CAMK2A: variants seen among roughly 807,000 people sequenced by gnomAD.
CAMK2A encodes calcium/calmodulin-dependent protein kinase type II subunit alpha.
CAMK2A carries 7 observed loss-of-function variants against 79.2 expected under a neutral mutation model. That is an observed-to-expected ratio of 0.09 (90% CI 0.05 to 0.17). The LOEUF (loss-of-function observed/expected upper bound fraction) is 0.17. CAMK2A is among the 10% of genes least tolerant of loss of function. The pLI is 1.00. For synonymous variants in CAMK2A, 242 were observed against 251.7 expected, an observed-to-expected ratio of 0.96 and a Z score of 0.36; for missense variants, 214 against 646.4, an observed-to-expected ratio of 0.33 and a Z score of 7.25.
chr5:150,222,376 G>C lies in CAMK2A; in HGVS notation c.*334C>G. On this transcript the variant is annotated 3_prime_UTR_variant, in exon 19 of 19. Transcript: ENST00000671881. ...CCCAGCCCCTGGTGGGCACCAGCCC[G>C]GGCATTCTAGCCTACAGCCCAAGAC... 1.6e-6 allele frequency: 1 copy of C among 634,910 alleles called. No individual in the cohort carries two copies. The highest frequency in any genetic ancestry group is 1.8e-5 in the South Asian group (1 of 56,016). 39.3% of individuals were successfully genotyped at this position (634,910 alleles called of 1,614,324 possible). A position where few individuals can be genotyped will look rare whatever the true frequency, so the allele number is the denominator to read the frequency against.
At chr5:150,260,341 C>A (rs1756251834) in intron 3 of CAMK2A, among the ~76,000 whole-genome samples, 1 of 151,936 alleles carries the variant, frequency 6.6e-6, no homozygotes, top group Non-Finnish European at 1.5e-5. Context: ...CACCTGTAGT[C>A]CCAGCTACTC....
chr5:150,265,346 C>T (rs1179918082), intron 2 of CAMK2A: 1 of 271,566 alleles, frequency 3.7e-6, no homozygotes, highest in Middle Eastern at 1.3e-3. Context: ...CCGACTTCAC[C>T]TCTACAAGCA....
intron 2 of CAMK2A, among the ~76,000 whole-genome samples, chr5:150,268,168 C>T (rs1562187521): frequency 1.3e-5 from 2 of 152,208 alleles, no homozygotes; most frequent in East Asian, 3.9e-4. Flanking sequence ...CCCGGACCCA[C>T]CAAGGAGCTC....
intron 12 of CAMK2A, among the ~76,000 whole-genome samples, chr5:150,246,800 G>A (rs1755587032): frequency 6.6e-6 from 1 of 152,188 alleles, no homozygotes; most frequent in Non-Finnish European, 1.5e-5. Flanking sequence ...CTGGTTACAT[G>A]GGCAGGTGGA....
intron 3 of CAMK2A, among the ~76,000 whole-genome samples, chr5:150,260,537 C>T (rs1366118218): frequency 2.0e-5 from 3 of 151,810 alleles, no homozygotes; most frequent in Admixed American, 2.0e-4. Context: ...TATACCTGGG[C>T]CCTGCCCAGA....
At chr5:150,278,530 T>C (rs543710788) in intron 1 of CAMK2A, among the ~76,000 whole-genome samples, 22 of 152,000 alleles carry the variant, frequency 1.4e-4, no homozygotes, top group Non-Finnish European at 2.8e-4. Context: ...GGGCCAGAGC[T>C]TGGGAACAGG....
intron 11 of CAMK2A, among the ~76,000 whole-genome samples, chr5:150,249,553 GTT>G (rs36099826): frequency 0.47 from 68,309 of 145,638 alleles, 15,694 homozygotes; most frequent in East Asian, 0.62. Flanking sequence ...TCTTTTTTTT[GTT>G]TTTTTTTTTT....
chr5:150,268,470 T>C (rs898348916), intron 2 of CAMK2A, among the ~76,000 whole-genome samples: 10 of 152,320 alleles, frequency 6.6e-5, no homozygotes, highest in African/African-American at 1.9e-4. Context: ...CTGCCTTTTC[T>C]AAGCATGTCC....
intron 3 of CAMK2A, among the ~76,000 whole-genome samples, chr5:150,258,015 A>G (rs1478115368): frequency 6.6e-6 from 1 of 152,192 alleles, no homozygotes; most frequent in Non-Finnish European, 1.5e-5. Context: ...TGCCTGGACA[A>G]TGAGAATGAA....
At chr5:150,238,094 A>G (rs998152496) in intron 15 of CAMK2A, among the ~76,000 whole-genome samples, 4 of 152,268 alleles carry the variant, frequency 2.6e-5, no homozygotes, top group Non-Finnish European at 5.9e-5. Context: ...TACCATTACC[A>G]AACACTTATG....
chr5:150,270,931 G>A (rs1477413390), intron 2 of CAMK2A, among the ~76,000 whole-genome samples: 3 of 152,140 alleles, frequency 2.0e-5, no homozygotes, highest in Non-Finnish European at 2.9e-5. Flanking sequence ...TTTGGTCAAC[G>A]TGCAAGTGTG....
At position 150,257,675 on chromosome 5, in the gene CAMK2A, C is replaced by T. The variant is rs1304603228; in HGVS notation, c.218-58G>A. The T allele has an allele frequency of 6.0e-6, 8 of 1,326,372 alleles. No individual in the cohort carries two copies. The East Asian group carries it at 1.8e-4, about 29-fold the overall frequency. 82.2% of individuals were successfully genotyped at this position (1,326,372 alleles called of 1,614,324 possible). A position where few individuals can be genotyped will look rare whatever the true frequency, so the allele number is the denominator to read the frequency against. ...GGACACACTGCTGCACAGGCCCGCCCTCCCTCTCTCCCCTCCCGTGTATAT... is the reference window on the plus strand; with the variant it reads ...GGACACACTGCTGCACAGGCCCGCCTTCCCTCTCTCCCCTCCCGTGTATAT... On this transcript the variant is annotated intron_variant, in intron 3 of 18. Transcript: ENST00000671881.
chr5:150,222,720 GAC>G lies in CAMK2A; in HGVS notation c.1467-9_1467-8del, dbSNP rs760679061. ...CCCCAGCCTGGTCCCTCAGCTGTAAGACACACACGGGGTGCTTCTCAGGGCAT... is the reference window on the plus strand; with the variant it reads ...CCCCAGCCTGGTCCCTCAGCTGTAAGACACACGGGGTGCTTCTCAGGGCAT... On this transcript the variant is annotated splice_region_variant and splice_polypyrimidine_tract_variant and intron_variant, in intron 18 of 18. Transcript: ENST00000671881. The G allele has an allele frequency of 1.9e-6, 3 of 1,614,054 alleles. No homozygotes were observed. The South Asian group carries it at 3.3e-5, about 18-fold the overall frequency.
In CAMK2A at chr5:150,221,261, T is replaced by G; in HGVS notation, c.*1449A>C. The G allele has an allele frequency of 2.5e-6, 1 of 396,876 alleles. No individual in the cohort carries two copies. Among genetic ancestry groups the G allele is most frequent in the Non-Finnish European group, 4.4e-6 (1 of 225,278 alleles). The allele number at this position is 396,876 out of a possible 1,614,324, so 24.6% of individuals were successfully genotyped here. ...GTAGATCCTAGTGGATGTGCCAAGG[T>G]ATTCCACTCAGAGTCAATCCCAGGG... On this transcript the variant is annotated 3_prime_UTR_variant, in exon 19 of 19. Transcript: ENST00000671881.
chr5:150,271,258 G>A (rs1756735855), intron 2 of CAMK2A, among the ~76,000 whole-genome samples: 2 of 152,168 alleles, frequency 1.3e-5, no homozygotes, highest in African/African-American at 4.8e-5. Flanking sequence ...TTTTCATACT[G>A]ACTGTATAGC....
intron 15 of CAMK2A, among the ~76,000 whole-genome samples, chr5:150,237,928 C>T (rs575334784): frequency 3.0e-4 from 45 of 151,756 alleles, no homozygotes; most frequent in Non-Finnish European, 5.3e-4. Context: ...CCAGTGGCGC[C>T]GGCATCTTTG....
Position 150,235,304 on chromosome 5 carries a change from C to T in CAMK2A, c.1066+3396G>A, listed in dbSNP as rs541311258. 8.5e-5 allele frequency among the ~76,000 whole-genome samples: 13 copies of T among 152,310 alleles called. No homozygotes were observed. The South Asian group carries it at 2.7e-3, about 32-fold the overall frequency. ...TGGTGCTTCTTACATCTGGAAAGTC[C>T]ACTCTGATTCTGGGCCTCTACTATG... On this transcript the variant is annotated intron_variant, in intron 15 of 18. Coordinates refer to ENST00000671881, the MANE Select transcript of CAMK2A (RefSeq NM_015981.4).
chr5:150,276,363 TG>T (rs1756944926), intron 1 of CAMK2A, among the ~76,000 whole-genome samples: 1 of 152,126 alleles, frequency 6.6e-6, no homozygotes, highest in Non-Finnish European at 1.5e-5. Flanking sequence ...CAGCGTCTAG[TG>T]CCAATAGAGC....
rs534451873 is a variant in CAMK2A at position 150,265,708 on chromosome 5, G to A, written c.158-693C>T. ...TATAATCCCAATACATTGAGAGGCC[G>A]AGGCAAGTGGATCACTTGAGCTCAG... On this transcript the variant is annotated intron_variant, in intron 2 of 18. Transcript: ENST00000671881. 1.3e-4 allele frequency among the ~76,000 whole-genome samples: 20 copies of A among 152,228 alleles called. No individual in the cohort carries two copies. The South Asian group carries it at 2.1e-3, about 16-fold the overall frequency.
Sources: gnomAD v4.1 joint callset for allele counts (sites outside exome capture counted in the v4.1 genomes callset) on GRCh38, gnomAD v4.1.1 for gene constraint, MANE v1.5 for transcripts, NCBI Gene and HGNC (gene_info 2026-07-23, HGNC 2026-07-21) for gene names.